The following TANC2 variants were observed in gnomAD, a reference collection of about 807,000 sequenced individuals.
The protein encoded by TANC2 is tetratricopeptide repeat, ankyrin repeat and coiled-coil containing 2, also known as protein TANC2.
TANC2 carries 26 observed loss-of-function variants against 210.5 expected under a neutral mutation model. The observed-to-expected ratio is 0.12, with a 90% CI of 0.09 to 0.17. TANC2 has a LOEUF of 0.17. TANC2 is among the 10% of genes least tolerant of loss of function. TANC2 has a pLI of 1.00. For missense variants in TANC2, 2,129 were observed against 2,608.9 expected, an observed-to-expected ratio of 0.82 and a Z score of 4.01; for synonymous variants, 931 against 967.1, an observed-to-expected ratio of 0.96 and a Z score of 0.69.
chr17:63,340,354 G>A, intron 12 of TANC2, 22 bp downstream of exon 12: 1 of 1,600,240 alleles, frequency 6.2e-7, no homozygotes, highest in East Asian at 2.2e-5. Context: ...GCCCAAAGGA[G>A]GGGAAAGATG....
At chr17:63,264,836 G>A (rs771312693) in intron 8 of TANC2, among the ~76,000 whole-genome samples, 13 of 152,100 alleles carry the variant, frequency 8.5e-5, no homozygotes, top group Non-Finnish European at 1.5e-4. Context: ...ATGCATGCCT[G>A]TAGTTCCAGC....
chr17:63,205,743 C>T (rs1211979772), intron 7 of TANC2, among the ~76,000 whole-genome samples: 2 of 151,856 alleles, frequency 1.3e-5, no homozygotes, highest in African/African-American at 4.8e-5. Flanking sequence ...ATAGCGAGAC[C>T]CCCATCTCTA....
chr17:63,091,020 C>G (rs556965821), intron 3 of TANC2, among the ~76,000 whole-genome samples: 1 of 149,858 alleles, frequency 6.7e-6, no homozygotes, highest in African/African-American at 2.4e-5. Context: ...TGAGAAGTGT[C>G]TGTTCATATC....
At chr17:63,315,580 G>A (rs2045288584) in intron 10 of TANC2, among the ~76,000 whole-genome samples, 3 of 152,114 alleles carry the variant, frequency 2.0e-5, no homozygotes, top group African/African-American at 7.2e-5. Context: ...CTGTTAGTTA[G>A]AAGAGAACAA....
At chr17:63,293,333 CCT>C (rs1169392469) in intron 9 of TANC2, among the ~76,000 whole-genome samples, 2 of 152,004 alleles carry the variant, frequency 1.3e-5, no homozygotes, top group African/African-American at 4.8e-5. Context: ...ATGTGTTTTC[CCT>C]GTTTTATGTA....
At chr17:63,137,558 T>A (rs1001998360) in intron 4 of TANC2, among the ~76,000 whole-genome samples, 9 of 152,252 alleles carry the variant, frequency 5.9e-5, no homozygotes, top group Admixed American at 3.3e-4. Flanking sequence ...ATATAATCTG[T>A]TTGTTTCATG....
chr17:63,413,413 G>GA lies in TANC2; in HGVS notation c.3929-129dup, dbSNP rs986904789. 26 of 615,348 alleles carry GA rather than the reference G, an allele frequency of 4.2e-5. 2 individuals are homozygous for GA. Among genetic ancestry groups the GA allele is most frequent in the African/African-American group, 1.9e-5 (1 of 53,450 alleles). The allele number at this position is 615,348 out of a possible 1,614,324, so 38.1% of individuals were successfully genotyped here. Reference sequence around the variant, plus strand: ...TACTAAAATACTCCCAGGTCTAAAAGATGAGGTACTAATTGTGGAGCAAGT... The same window carrying GA: ...TACTAAAATACTCCCAGGTCTAAAAGAATGAGGTACTAATTGTGGAGCAAGT... On this transcript the variant is annotated intron_variant, in intron 24 of 27. Transcript: ENST00000689528.
intron 2 of TANC2, among the ~76,000 whole-genome samples, chr17:63,066,686 C>T (rs2036210735): frequency 6.6e-6 from 1 of 152,022 alleles, no homozygotes; most frequent in South Asian, 2.1e-4. Context: ...GAACCATCCT[C>T]TCTGGTGGAG....
intron 8 of TANC2, among the ~76,000 whole-genome samples, chr17:63,258,302 G>A (rs2043258604): frequency 6.6e-6 from 1 of 152,014 alleles, no homozygotes. Context: ...TCACCTTTGG[G>A]AAAAAGTACC....
At chr17:63,142,076 A>C (rs1225811719) in intron 4 of TANC2, among the ~76,000 whole-genome samples, 3 of 152,232 alleles carry the variant, frequency 2.0e-5, no homozygotes, top group African/African-American at 7.2e-5. Flanking sequence ...GTTGGTATAA[A>C]GTCTAGCCAC....
intron 7 of TANC2, among the ~76,000 whole-genome samples, chr17:63,206,367 T>C (rs1388581276): frequency 1.3e-5 from 2 of 152,262 alleles, no homozygotes; most frequent in African/African-American, 2.4e-5. Flanking sequence ...CCTGAAAGTA[T>C]TGAAAGGAAG....
At chr17:63,316,552 C>G (rs2045319416) in intron 10 of TANC2, among the ~76,000 whole-genome samples, 2 of 152,100 alleles carry the variant, frequency 1.3e-5, no homozygotes, top group Non-Finnish European at 2.9e-5. Flanking sequence ...AGGAGAATCT[C>G]CAGAAACACC....
At chr17:63,060,552 A>G (rs538226675) in intron 2 of TANC2, among the ~76,000 whole-genome samples, 22 of 152,272 alleles carry the variant, frequency 1.4e-4, no homozygotes, top group Admixed American at 1.2e-3. Flanking sequence ...ACCAGGAGGC[A>G]GAGGTTGCAG....
chr17:63,121,933 C>G (rs954954929), intron 4 of TANC2, among the ~76,000 whole-genome samples: 3 of 134,404 alleles, frequency 2.2e-5, no homozygotes, highest in African/African-American at 8.6e-5. Context: ...TACCACTGCA[C>G]TGTAGCCTGG....
intron 1 of TANC2, among the ~76,000 whole-genome samples, chr17:62,993,101 A>G (rs1427218133): frequency 6.6e-6 from 1 of 152,196 alleles, no homozygotes; most frequent in Non-Finnish European, 1.5e-5. Context: ...TTTTTTAATG[A>G]CATTTGTGAC....
intron 5 of TANC2, among the ~76,000 whole-genome samples, chr17:63,159,496 C>T (rs1373459690): frequency 6.6e-6 from 1 of 151,986 alleles, no homozygotes. Flanking sequence ...TGGAATATAG[C>T]CTAGCAATCT....
intron 13 of TANC2, among the ~76,000 whole-genome samples, chr17:63,352,480 T>C (rs370273186): frequency 7.9e-5 from 12 of 152,246 alleles, no homozygotes; most frequent in African/African-American, 2.9e-4. Context: ...CAACTAAAAA[T>C]TATATAACCT....
At chr17:63,395,689 G>A in intron 17 of TANC2, 54 bp from the exon 18 acceptor site, 1 of 1,532,356 alleles carries the variant, frequency 6.5e-7, no homozygotes, top group Non-Finnish European at 8.9e-7. Flanking sequence ...TGACTAGATT[G>A]CGAGCTCAGC....
chr17:63,399,197 G>T (rs1398225570), intron 19 of TANC2: 2 of 200,496 alleles, frequency 1.0e-5, no homozygotes, highest in Non-Finnish European at 2.0e-5. Context: ...ACCTTACAAT[G>T]TGCCAAACCA....
Sources: gnomAD v4.1 joint callset for allele counts (sites outside exome capture counted in the v4.1 genomes callset) on GRCh38, gnomAD v4.1.1 for gene constraint, MANE v1.5 for transcripts, NCBI Gene and HGNC (gene_info 2026-07-23, HGNC 2026-07-21) for gene names.